Variants in RBFOX3 observed in about 807,000 individuals in gnomAD.
The protein encoded by RBFOX3 is RNA binding protein fox-1 homolog 3.
A neutral mutation model predicts 48.7 loss-of-function variants in RBFOX3; 17 were observed. The observed-to-expected ratio is 0.35, with a 90% CI of 0.24 to 0.52. The LOEUF is 0.52. RBFOX3 is among the 20% of genes least tolerant of loss of function. The pLI is 0.94. For missense variants in RBFOX3, 382 were observed against 497.5 expected, an observed-to-expected ratio of 0.77 and a Z score of 2.21; for synonymous variants, 212 against 209.5, an observed-to-expected ratio of 1.01 and a Z score of -0.10.
chr17:79,319,115 C>T (rs1361831490), intron 2 of RBFOX3, among the ~76,000 whole-genome samples: 2 of 151,998 alleles, frequency 1.3e-5, no homozygotes, highest in East Asian at 1.9e-4. Flanking sequence ...GTGGCTTTCC[C>T]GGAGGCAGCC....
At chr17:79,240,995 G>C (rs1360170176) in intron 3 of RBFOX3, among the ~76,000 whole-genome samples, 1 of 135,368 alleles carries the variant, frequency 7.4e-6, no homozygotes, top group Admixed American at 7.5e-5. Context: ...AATTTTTTTT[G>C]AGCAGGATCT....
intron 1 of RBFOX3, among the ~76,000 whole-genome samples, chr17:79,534,275 C>G (rs1166926859): frequency 2.0e-5 from 3 of 152,194 alleles, no homozygotes; most frequent in African/African-American, 7.2e-5. Context: ...GCCGGCATCA[C>G]CGTTCAGAAG....
At chr17:79,337,584 T>A (rs78083469) in intron 2 of RBFOX3, among the ~76,000 whole-genome samples, 19,099 of 152,214 alleles carry the variant, frequency 0.13, 1,688 homozygotes, top group East Asian at 0.36. Context: ...GAGACCAGCC[T>A]GCCCAAGATG....
the RBFOX3 span, among the ~76,000 whole-genome samples, chr17:79,633,504 T>TGAGGAG: frequency 6.6e-6 from 1 of 152,040 alleles, no homozygotes; most frequent in Non-Finnish European, 1.5e-5. Flanking sequence ...GATGCACAGG[T>TGAGGAG]GAGCCACCTC....
At chr17:79,629,384 A>C in the RBFOX3 span, among the ~76,000 whole-genome samples, 1 of 152,224 alleles carries the variant, frequency 6.6e-6, no homozygotes, top group East Asian at 1.9e-4. Context: ...AATGACTCCA[A>C]AGCAGGGACA....
intron 5 of RBFOX3, among the ~76,000 whole-genome samples, chr17:79,108,721 A>C (rs1012528230): frequency 6.6e-6 from 1 of 152,240 alleles, no homozygotes; most frequent in Admixed American, 6.5e-5. Context: ...GCATGTAGCC[A>C]GAAAGCCTCT....
intron 1 of RBFOX3, among the ~76,000 whole-genome samples, chr17:79,485,523 T>C (rs2079444307): frequency 8.6e-6 from 1 of 116,912 alleles, no homozygotes; most frequent in South Asian, 3.2e-4. Context: ...CTCTAGGTGC[T>C]GCTCTTGCTC....
chr17:79,557,040 T>C (rs1188110475), intron 1 of RBFOX3, among the ~76,000 whole-genome samples: 1 of 151,782 alleles, frequency 6.6e-6, no homozygotes, highest in African/African-American at 2.4e-5. Context: ...GGTCAGGAGT[T>C]CAAGACCAGC....
intron 1 of RBFOX3, among the ~76,000 whole-genome samples, chr17:79,594,705 G>A (rs1482050530): frequency 6.6e-6 from 1 of 152,234 alleles, no homozygotes; most frequent in Non-Finnish European, 1.5e-5. Context: ...CTAACATAAG[G>A]CACCTTATAA....
chr17:79,452,747 C>T (rs1438168034), intron 2 of RBFOX3, among the ~76,000 whole-genome samples: 1 of 152,210 alleles, frequency 6.6e-6, no homozygotes. Flanking sequence ...GAGAAGTTGG[C>T]ATCTCCCTGC....
intron 2 of RBFOX3, among the ~76,000 whole-genome samples, chr17:79,322,807 A>G (rs1415625714): frequency 2.0e-5 from 3 of 152,218 alleles, no homozygotes; most frequent in Admixed American, 1.3e-4. Context: ...TGGGATGTTC[A>G]GTGAGCTGAC....
chr17:79,405,686 T>A (rs4790025), intron 2 of RBFOX3, among the ~76,000 whole-genome samples: 147,316 of 152,306 alleles, frequency 0.97, 71,408 homozygotes, highest in East Asian at 1. Context: ...ATACCGCTGC[T>A]CTCCAGCCTG....
In RBFOX3 at chr17:79,359,336, C is replaced by G. The variant is rs60086482; in HGVS notation, c.-174-51512G>C. ...CAAATAATTTGTAGTACTAGTCTAT[C>G]TCAAATATGGCATGGAACATATTTA... On this transcript the variant is annotated intron_variant, in intron 2 of 14. Coordinates refer to ENST00000693108, the MANE Select transcript of RBFOX3 (RefSeq NM_001350451.2). Among the ~76,000 whole-genome samples the G allele has an allele frequency of 8.3e-3, 1,267 of 152,318 alleles. 19 individuals carry two copies. Among genetic ancestry groups the G allele is most frequent in the African/African-American group, 0.029 (1,205 of 41,560 alleles).
intron 4 of RBFOX3, among the ~76,000 whole-genome samples, chr17:79,173,978 C>T (rs1350645686): frequency 6.6e-6 from 1 of 152,048 alleles, no homozygotes; most frequent in Non-Finnish European, 1.5e-5. Context: ...GTCACTGGAT[C>T]TTCTGTTTCC....
At chr17:79,171,252 A>T (rs974561441) in intron 4 of RBFOX3, among the ~76,000 whole-genome samples, 28 of 152,258 alleles carry the variant, frequency 1.8e-4, no homozygotes, top group African/African-American at 6.5e-4. Flanking sequence ...CATTAGCACG[A>T]ATTTCATCTG....
chr17:79,640,973 G>T, the RBFOX3 span, among the ~76,000 whole-genome samples: 1,656 of 152,184 alleles, frequency 0.011, 28 homozygotes, highest in African/African-American at 0.038. Flanking sequence ...AAACTAAAAA[G>T]CTTCTGCATA....
chr17:79,485,206 C>T (rs894939378), intron 1 of RBFOX3, among the ~76,000 whole-genome samples: 21 of 152,118 alleles, frequency 1.4e-4, no homozygotes, highest in African/African-American at 3.9e-4. Flanking sequence ...GCCTTTGAGG[C>T]GGATGGAGCC....
the RBFOX3 span, among the ~76,000 whole-genome samples, chr17:79,620,516 TGCACATGCATACGC>T: frequency 7.5e-5 from 10 of 133,140 alleles, no homozygotes; most frequent in Admixed American, 3.8e-4. Flanking sequence ...TGCGCATACG[TGCACATGCATACGC>T]GCACATGCAC....
Position 79,249,182 on chromosome 17 carries a change from G to A in RBFOX3, c.-73-13377C>T, listed in dbSNP as rs1488453182. 2.0e-5 allele frequency among the ~76,000 whole-genome samples: 3 copies of A among 152,154 alleles called. No homozygotes were observed. Among genetic ancestry groups the A allele is most frequent in the East Asian group, 3.9e-4 (2 of 5,170 alleles). On this transcript the variant is annotated intron_variant, in intron 3 of 14. Coordinates refer to ENST00000693108, the MANE Select transcript of RBFOX3 (RefSeq NM_001350451.2). This position sits in a 1 kb window ranked among gnomAD's most constrained non-coding sequence, Gnocchi z 4.1. ...GGAACCACCCTGAAGCTAGGGACTC[G>A]GCTCAGGAACTGCTGCTTGCTGGGG...
Sources: allele counts gnomAD v4.1 joint callset (sites outside exome capture counted in the v4.1 genomes callset), GRCh38; gene constraint gnomAD v4.1.1; non-coding constraint Gnocchi (gnomAD v3.1); transcripts MANE v1.5; gene names NCBI Gene and HGNC (gene_info 2026-07-23, HGNC 2026-07-21).